FGFR2: variants seen among roughly 807,000 people sequenced by gnomAD.
FGFR2 encodes fibroblast growth factor receptor 2.
A neutral mutation model predicts 95.9 loss-of-function variants in FGFR2; 19 were observed. That is an observed-to-expected ratio of 0.20 (90% CI 0.14 to 0.29). The LOEUF is 0.29. Among genes scored for constraint, FGFR2 ranks in the 10% least tolerant of loss-of-function variants. The pLI, the probability that FGFR2 is intolerant of heterozygous loss-of-function variation, is 1.00. For missense variants in FGFR2, 707 were observed against 1,056.9 expected (o/e 0.67, Z 4.59); for synonymous variants, 392 against 393.3 (o/e 1.00, Z 0.04).
intron 9 of FGFR2, among the ~76,000 whole-genome samples, chr10:121,509,000 T>C (rs1039868510): frequency 6.6e-6 from 1 of 152,266 alleles, no homozygotes; most frequent in Non-Finnish European, 1.5e-5. Flanking sequence ...CATGTTTTAC[T>C]GGGCATCTTT....
intron 17 of FGFR2, among the ~76,000 whole-genome samples, chr10:121,483,185 A>C (rs1211709907): frequency 6.6e-6 from 1 of 152,242 alleles, no homozygotes; most frequent in African/African-American, 2.4e-5. Context: ...GTTTATATAC[A>C]CCTAGAAAGA....
At chr10:121,552,068 T>TAA (rs968462146) in intron 4 of FGFR2, among the ~76,000 whole-genome samples, 1 of 150,620 alleles carries the variant, frequency 6.6e-6, no homozygotes, top group African/African-American at 2.4e-5. Context: ...CTTTTTTAAT[T>TAA]AAAAAAAAAA....
intron 9 of FGFR2, among the ~76,000 whole-genome samples, chr10:121,509,252 C>A (rs1848702041): frequency 6.6e-6 from 1 of 152,040 alleles, no homozygotes; most frequent in Non-Finnish European, 1.5e-5. Flanking sequence ...ACTGTTTTCC[C>A]ACTCCCGAAT....
At chr10:121,525,013 G>A (rs1227159520) in intron 6 of FGFR2, among the ~76,000 whole-genome samples, 1 of 152,190 alleles carries the variant, frequency 6.6e-6, no homozygotes. Context: ...AGGACAGGAA[G>A]GATTTACAGT....
chr10:121,586,001 C>T (rs1861766750), intron 2 of FGFR2, among the ~76,000 whole-genome samples: 1 of 152,178 alleles, frequency 6.6e-6, no homozygotes, highest in Non-Finnish European at 1.5e-5. Context: ...TTAACCATTG[C>T]AATGATCTTG....
intron 4 of FGFR2, among the ~76,000 whole-genome samples, chr10:121,561,150 C>T (rs1000885245): frequency 3.3e-5 from 5 of 152,196 alleles, no homozygotes; most frequent in South Asian, 4.2e-4. Flanking sequence ...ACAGGCCGGG[C>T]GCAGTGGCTC....
chr10:121,558,603 G>GTT lies in FGFR2; in HGVS notation c.454+5897_454+5898dup, dbSNP rs200830608. Among the ~76,000 whole-genome samples the GTT allele has an allele frequency of 1.5e-3, 228 of 148,294 alleles. 4 individuals carry two copies. Among genetic ancestry groups the GTT allele is most frequent in the African/African-American group, 5.3e-3 (206 of 38,934 alleles). ...GTACAACATGATGTTAATAGATACA[G>GTT]TTTTTTGTTTTTTTTTTTTTTTGAG... On this transcript the variant is annotated intron_variant, in intron 4 of 17. Transcript: ENST00000358487.
intron 2 of FGFR2, among the ~76,000 whole-genome samples, chr10:121,570,379 T>C (rs897427958): frequency 6.6e-6 from 1 of 152,204 alleles, no homozygotes; most frequent in African/African-American, 2.4e-5. Context: ...GAATCCCCTG[T>C]GCCTGCATGT....
intron 6 of FGFR2, among the ~76,000 whole-genome samples, chr10:121,532,757 C>G (rs1852261410): frequency 6.6e-6 from 1 of 152,196 alleles, no homozygotes; most frequent in Non-Finnish European, 1.5e-5. Context: ...TTCCAGGTGT[C>G]AACTCCACAT....
At position 121,569,220 on chromosome 10, in the gene FGFR2, TTTTC is replaced by T. The variant is rs770172545; in HGVS notation, c.110-3520_110-3517del. ...TTTCTTTTTCTTTTCTTTTCTTTTC[TTTTC>T]TTTTTTTTTTTTTTGAGACAGAGTC... On this transcript the variant is annotated intron_variant, in intron 2 of 17. Coordinates refer to ENST00000358487, the MANE Select transcript of FGFR2 (RefSeq NM_000141.5). Among the ~76,000 whole-genome samples, 607 of 140,874 alleles carry T rather than the reference TTTTC, an allele frequency of 4.3e-3. 1 individual carries two copies. Among genetic ancestry groups the T allele is most frequent in the African/African-American group, 6.1e-3 (213 of 34,862 alleles). 92.4% of individuals were successfully genotyped at this position (140,874 alleles called of 152,430 possible). A position where few individuals can be genotyped will look rare whatever the true frequency, so the allele number is the denominator to read the frequency against.
At chr10:121,597,367 C>T (rs898083136) in intron 1 of FGFR2, among the ~76,000 whole-genome samples, 2 of 152,220 alleles carry the variant, frequency 1.3e-5, no homozygotes, top group African/African-American at 2.4e-5. Flanking sequence ...TAGCCCCAGG[C>T]GCACTGCGCT....
At chr10:121,543,582 C>G (rs41295744) in intron 5 of FGFR2, among the ~76,000 whole-genome samples, 1,988 of 152,260 alleles carry the variant, frequency 0.013, 47 homozygotes, top group African/African-American at 0.046. Context: ...CAGCAGGTGC[C>G]TGGGGGACTT....
At chr10:121,494,588 A>G (rs1846533722) in intron 13 of FGFR2, among the ~76,000 whole-genome samples, 1 of 152,148 alleles carries the variant, frequency 6.6e-6, no homozygotes, top group Non-Finnish European at 1.5e-5. Context: ...ATTTAGGAAG[A>G]GTTCACAGCT....
At chr10:121,559,562 T>C (rs888039347) in intron 4 of FGFR2, among the ~76,000 whole-genome samples, 1 of 152,216 alleles carries the variant, frequency 6.6e-6, no homozygotes, top group South Asian at 2.1e-4. Context: ...TCACTTTAAA[T>C]AGCATCTAAT....
rs2133795609 is a variant in FGFR2, at chr10:121,485,440, T to A, written c.2150A>T (p.Lys717Met). 1 of 1,614,104 alleles carries A rather than the reference T, an allele frequency of 6.2e-7. No homozygotes were observed. The highest frequency in any genetic ancestry group is 8.5e-7 in the Non-Finnish European group (1 of 1,180,018). ...IPVEELFKLLKEGHRMDKPAN... is the reference protein window; with the variant it reads ...IPVEELFKLLMEGHRMDKPAN... Reference sequence around the variant, plus strand: ...TGGCTTATCCATTCTGTGTCCTTCCTTCAGCAGCTTAAAAAGTTCCTCCAC... The same window carrying A: ...TGGCTTATCCATTCTGTGTCCTTCCATCAGCAGCTTAAAAAGTTCCTCCAC... Residue 717 changes from lysine to methionine, a missense_variant, in exon 16 of 18, where the codon AAG (lysine) becomes ATG (methionine). Transcript: ENST00000358487. The surrounding 1 kb of genome is among the most constrained non-coding windows in gnomAD (Gnocchi z 4.2).
rs1281525856 is a variant in FGFR2 at position 121,485,520 on chromosome 10, C to A, written c.2070G>T (p.Gly690=). ...AAGTGAAGATCTCCCACATTAACAC[C>A]CCGAAGGACCAGCTGCAACAAAAGG... The part of the protein sequence containing the change: ...YTHQSDVWSF[G]VLMWEIFTLG... The change falls in exon 16 of 18, where the codon GGG becomes GGT. Residue 690 remains glycine, a synonymous_variant. Transcript: ENST00000358487. The surrounding 1 kb of genome is among the most constrained non-coding windows in gnomAD (Gnocchi z 4.2). 4 of 1,613,670 alleles carry A rather than the reference C, an allele frequency of 2.5e-6. No individual in the cohort carries two copies. The highest frequency in any genetic ancestry group is 2.5e-6 in the Non-Finnish European group (3 of 1,179,958).
intron 2 of FGFR2, among the ~76,000 whole-genome samples, chr10:121,572,418 CG>C (rs1858952744): frequency 6.6e-6 from 1 of 152,052 alleles, no homozygotes; most frequent in East Asian, 1.9e-4. Flanking sequence ...ATCAGAAGTT[CG>C]AGACCAGCCT....
At chr10:121,484,177 C>T (rs1362813690) in intron 16 of FGFR2, among the ~76,000 whole-genome samples, 1 of 152,086 alleles carries the variant, frequency 6.6e-6, no homozygotes, top group African/African-American at 2.4e-5. Context: ...CCCCTGACAC[C>T]CTGCCCAGCA....
chr10:121,548,529 C>A (rs1194153884), intron 5 of FGFR2, among the ~76,000 whole-genome samples: 2 of 152,020 alleles, frequency 1.3e-5, no homozygotes, highest in Non-Finnish European at 2.9e-5. Context: ...AGCATTTTCT[C>A]ATTAGGCCCT....
Sources: allele counts gnomAD v4.1 joint callset (sites outside exome capture counted in the v4.1 genomes callset), GRCh38; gene constraint gnomAD v4.1.1; non-coding constraint Gnocchi (gnomAD v3.1); transcripts MANE v1.5; gene names NCBI Gene and HGNC (gene_info 2026-07-23, HGNC 2026-07-21).